The following COL4A6 variants were observed in gnomAD, a reference collection of about 807,000 sequenced individuals.
COL4A6 encodes collagen type IV alpha 6 chain.
A neutral mutation model predicts 126.7 loss-of-function variants in COL4A6; 59 were observed. The observed-to-expected ratio is 0.47, with a 90% CI of 0.38 to 0.58. The LOEUF (loss-of-function observed/expected upper bound fraction) is 0.58, where lower values mean the gene tolerates loss of function less well. COL4A6 is among the 20% of genes least tolerant of loss of function. The probability of loss-of-function intolerance (pLI) is 0.00; values close to 1 mark genes in which losing one functional copy is unlikely to be tolerated. For missense variants in COL4A6, 1,285 were observed against 1,337.3 expected, an observed-to-expected ratio of 0.96 and a Z score of 0.61; for synonymous variants, 547 against 496.6, an observed-to-expected ratio of 1.10 and a Z score of -1.35.
intron 2 of COL4A6, among the ~76,000 whole-genome samples, chrX:108,335,779 G>A (rs1427046352): frequency 9.0e-6 from 1 of 110,989 alleles, no homozygotes; most frequent in Non-Finnish European, 1.9e-5. Context: ...AGAGGGTCAT[G>A]CCTCTACTTG....
chrX:108,157,122 A>C lies in COL4A6; in HGVS notation c.4951T>G (p.Phe1651Val), dbSNP rs1412518952. ...TCHYFANKYS[F>V]WLTTVEERQQ... ...CTCTCCTCCACTGTGGTCAACCAGA[A>C]ACTGTACTTGTTTGCAAAGTAGTGG... Residue 1651 changes from phenylalanine (F) to valine (V), a missense_variant, in exon 45 of 45, where the codon TTC (phenylalanine) becomes GTC (valine). By Grantham distance (50) the Phe-to-Val change is conservative. Transcript: ENST00000334504. 8.3e-7 allele frequency: 1 copy of C among 1,211,976 alleles called. No homozygotes were observed. The highest frequency in any genetic ancestry group is 1.8e-5 in the South Asian group (1 of 56,989).
At chrX:108,222,047 A>G (rs1391421612) in intron 3 of COL4A6, among the ~76,000 whole-genome samples, 5 of 112,828 alleles carry the variant, frequency 4.4e-5, no homozygotes, top group Non-Finnish European at 9.4e-5. Flanking sequence ...TGTAAAATAC[A>G]AGAAGCCTAA....
intron 13 of COL4A6, among the ~76,000 whole-genome samples, chrX:108,201,630 C>T (rs1311756396): frequency 8.9e-6 from 1 of 111,883 alleles, no homozygotes; most frequent in African/African-American, 3.3e-5. Flanking sequence ...GATGGGTACA[C>T]GAGGAATCAT....
At chrX:108,367,249 T>A (rs934290039) in intron 2 of COL4A6, among the ~76,000 whole-genome samples, 4 of 112,135 alleles carry the variant, frequency 3.6e-5, no homozygotes, top group African/African-American at 1.3e-4. Context: ...CATTATCTGA[T>A]AATGAGATGA....
In COL4A6 at chrX:108,438,262, T is replaced by C. The variant is rs1325686582; in HGVS notation, c.-66A>G. 5.2e-5 allele frequency: 59 copies of C among 1,144,128 alleles called. No homozygotes were observed. Among genetic ancestry groups the C allele is most frequent in the Non-Finnish European group, 1.0e-5 (9 of 866,391 alleles). The allele number at this position is 1,144,128 out of a possible 1,213,427, so 94.3% of individuals were successfully genotyped here. On this transcript the variant is annotated 5_prime_UTR_variant, in exon 1 of 45. Coordinates refer to ENST00000334504, the MANE Select transcript of COL4A6 (RefSeq NM_033641.4). ...AGCGGCTCCGCGGCCCGTGCTCATC[T>C]GGGCTCTGCTGATGCTTGGAGGCTG...
chrX:108,315,304 G>A (rs761199403), intron 2 of COL4A6, among the ~76,000 whole-genome samples: 12 of 111,023 alleles, frequency 1.1e-4, no homozygotes, highest in African/African-American at 3.9e-4. Flanking sequence ...GCAGTGGTGC[G>A]ACCTGGGCTC....
intron 2 of COL4A6, among the ~76,000 whole-genome samples, chrX:108,347,613 G>A (rs2039738634): frequency 9.0e-6 from 1 of 111,148 alleles, no homozygotes; most frequent in South Asian, 3.8e-4. Flanking sequence ...AGTCTTGTTG[G>A]CCACTATTCC....
chrX:108,279,302 A>C lies in COL4A6; in HGVS notation c.144+31446T>G, dbSNP rs765919132. On this transcript the variant is annotated intron_variant, in intron 3 of 44. Transcript: ENST00000334504. Reference sequence around the variant, plus strand: ...AAAATAAAAGGATGGAGGAAGATCTACCAAGCCAATGGAAAACAAAAAAAG... The same window carrying C: ...AAAATAAAAGGATGGAGGAAGATCTCCCAAGCCAATGGAAAACAAAAAAAG... Among the ~76,000 whole-genome samples, 405 of 111,234 alleles carry C rather than the reference A, an allele frequency of 3.6e-3. 1 individual carries two copies. The highest frequency in any genetic ancestry group is 0.013 in the African/African-American group (389 of 30,558).
chrX:108,423,551 C>T (rs1409033320), intron 2 of COL4A6, among the ~76,000 whole-genome samples: 1 of 111,685 alleles, frequency 9.0e-6, no homozygotes, highest in Non-Finnish European at 1.9e-5. Flanking sequence ...AAACCTCGAT[C>T]TAACATTCTG....
intron 2 of COL4A6, among the ~76,000 whole-genome samples, chrX:108,356,918 A>G (rs1016478739): frequency 5.4e-5 from 6 of 111,494 alleles, no homozygotes; most frequent in African/African-American, 2.0e-4. Context: ...AAAAAAAGCT[A>G]AAAATGCCGG....
intron 3 of COL4A6, among the ~76,000 whole-genome samples, chrX:108,280,557 C>T (rs1157740282): frequency 1.8e-5 from 2 of 111,717 alleles, no homozygotes; most frequent in African/African-American, 3.3e-5. Flanking sequence ...CCGAATTCTA[C>T]CAGAGGTACA....
At chrX:108,402,633 T>C (rs960616017) in intron 2 of COL4A6, among the ~76,000 whole-genome samples, 1 of 111,451 alleles carries the variant, frequency 9.0e-6, no homozygotes, top group Non-Finnish European at 1.9e-5. Flanking sequence ...CATTTTTCCA[T>C]GTATAAATCT....
At chrX:108,221,429 T>C in intron 3 of COL4A6, 55 bp from the exon 4 acceptor site, 1 of 1,154,757 alleles carries the variant, frequency 8.7e-7, no homozygotes, top group Non-Finnish European at 1.2e-6. Flanking sequence ...CATTAATACT[T>C]CTCATTTTCC....
chrX:108,161,235 C>T (rs994836508), intron 42 of COL4A6, among the ~76,000 whole-genome samples: 3 of 111,514 alleles, frequency 2.7e-5, no homozygotes, highest in Non-Finnish European at 3.8e-5. Context: ...ATATGGACAG[C>T]CACGCCTTAA....
chrX:108,174,421 A>G lies in COL4A6; in HGVS notation c.3138+19T>C. 8.3e-7 allele frequency: 1 copy of G among 1,207,760 alleles called. No homozygotes were observed. Among genetic ancestry groups the G allele is most frequent in the Non-Finnish European group, 1.1e-6 (1 of 892,943 alleles). On this transcript the variant is annotated intron_variant, in intron 31 of 44. Transcript: ENST00000334504. ...GGGGGCCTTTTCTGGTATAAAGACAAAGATCTGGTCACACTTACACTTTCT... is the reference window on the plus strand; with the variant it reads ...GGGGGCCTTTTCTGGTATAAAGACAGAGATCTGGTCACACTTACACTTTCT...
intron 2 of COL4A6, among the ~76,000 whole-genome samples, chrX:108,319,889 G>A (rs772236669): frequency 2.7e-5 from 3 of 112,015 alleles, no homozygotes; most frequent in East Asian, 5.6e-4. Flanking sequence ...TGTTGACACA[G>A]GAGAGAGATG....
chrX:108,296,205 A>C lies in COL4A6; in HGVS notation c.144+14543T>G, dbSNP rs1207683287. 8.9e-5 allele frequency among the ~76,000 whole-genome samples: 10 copies of C among 112,451 alleles called. No individual in the cohort carries two copies. In the Admixed American group the frequency reaches 9.4e-4, roughly 11 times the overall value. On this transcript the variant is annotated intron_variant, in intron 3 of 44. Coordinates refer to ENST00000334504, the MANE Select transcript of COL4A6 (RefSeq NM_033641.4). ...AGATGACTGAAAATTAAGTTAATCC[A>C]GTACTGTGAGAAAAGTGAATTTATG...
intron 2 of COL4A6, among the ~76,000 whole-genome samples, chrX:108,415,297 T>G (rs2041413528): frequency 1.8e-5 from 2 of 111,903 alleles, no homozygotes; most frequent in South Asian, 7.5e-4. Flanking sequence ...GGGCTCTCCC[T>G]TCAATCACCC....
At chrX:108,338,592 C>T (rs745607747) in intron 2 of COL4A6, among the ~76,000 whole-genome samples, 41 of 111,846 alleles carry the variant, frequency 3.7e-4, no homozygotes, top group African/African-American at 9.7e-4. Flanking sequence ...AATGCACAAT[C>T]GACACTTGAA....
Sources: allele counts gnomAD v4.1 joint callset (sites outside exome capture counted in the v4.1 genomes callset), GRCh38; gene constraint gnomAD v4.1.1; transcripts MANE v1.5; gene names NCBI Gene and HGNC (gene_info 2026-07-23, HGNC 2026-07-21).